Variants in CUX2 observed in about 807,000 individuals in gnomAD.
CUX2 encodes homeobox protein cut-like 2.
A neutral mutation model predicts 144.8 loss-of-function variants in CUX2; 40 were observed. The observed-to-expected ratio is 0.28, with a 90% CI of 0.21 to 0.36. The LOEUF (loss-of-function observed/expected upper bound fraction) is 0.36. Among genes scored for constraint, CUX2 ranks in the 10% least tolerant of loss-of-function variants. The pLI is 1.00. For synonymous variants in CUX2, 827 were observed against 875.6 expected (o/e 0.94, Z 0.98); for missense variants, 1,615 against 1,994.0 (o/e 0.81, Z 3.62).
chr12:111,195,740 T>C (rs556365505), intron 1 of CUX2, among the ~76,000 whole-genome samples: 5 of 152,336 alleles, frequency 3.3e-5, no homozygotes, highest in Admixed American at 2.0e-4. Flanking sequence ...TGTTATAATC[T>C]TGATGGACCA....
At chr12:111,048,442 A>T (rs925581107) in intron 1 of CUX2, among the ~76,000 whole-genome samples, 22 of 152,216 alleles carry the variant, frequency 1.4e-4, no homozygotes, top group Non-Finnish European at 2.9e-4. Context: ...ACCCCCAGCA[A>T]GGTGGGAGCT....
chr12:111,336,762 T>C (rs1421853831), intron 19 of CUX2, among the ~76,000 whole-genome samples: 2 of 152,094 alleles, frequency 1.3e-5, no homozygotes, highest in African/African-American at 4.8e-5. Context: ...CTTCAGTTTT[T>C]TAATGTCTCT....
intron 1 of CUX2, among the ~76,000 whole-genome samples, chr12:111,153,397 A>G (rs1443066212): frequency 1.3e-5 from 2 of 152,192 alleles, no homozygotes; most frequent in African/African-American, 4.8e-5. Flanking sequence ...TTGCTGTTGA[A>G]CATCATGGAG....
At chr12:111,218,571 C>G (rs1881680043) in intron 3 of CUX2, among the ~76,000 whole-genome samples, 1 of 152,086 alleles carries the variant, frequency 6.6e-6, no homozygotes, top group African/African-American at 2.4e-5. Flanking sequence ...ACAAACCTAC[C>G]TCACCTTCCA....
At chr12:111,179,165 C>G (rs992380290) in intron 1 of CUX2, among the ~76,000 whole-genome samples, 2 of 152,166 alleles carry the variant, frequency 1.3e-5, no homozygotes, top group African/African-American at 4.8e-5. Context: ...GGGAGCCTAG[C>G]AGGACCCCTG....
At chr12:111,052,792 C>G (rs1870341279) in intron 1 of CUX2, among the ~76,000 whole-genome samples, 1 of 152,182 alleles carries the variant, frequency 6.6e-6, no homozygotes, top group Non-Finnish European at 1.5e-5. Context: ...CTTTCAACAT[C>G]TCCTTGCCAT....
intron 4 of CUX2, among the ~76,000 whole-genome samples, chr12:111,271,886 A>G (rs1352318938): frequency 6.6e-6 from 1 of 152,232 alleles, no homozygotes; most frequent in Non-Finnish European, 1.5e-5. Context: ...GTCCAGGTAT[A>G]CATGTTTCAT....
chr12:111,034,759 G>A lies in CUX2; in HGVS notation c.63+519G>A, dbSNP rs1869336304. 6.7e-6 allele frequency among the ~76,000 whole-genome samples: 1 copy of A among 150,356 alleles called. No homozygotes were observed. Among genetic ancestry groups the A allele is most frequent in the South Asian group, 2.1e-4 (1 of 4,830 alleles). ...GAGGAGGAGGAGAGAGGAGGAGGGA[G>A]CCGGGGTTGGCGAGGAGGCGGCTCC... On this transcript the variant is annotated intron_variant, in intron 1 of 21. Transcript: ENST00000261726. This position sits in a 1 kb window ranked among gnomAD's most constrained non-coding sequence, Gnocchi z 4.2.
chr12:111,189,437 C>A (rs180949140), intron 1 of CUX2, among the ~76,000 whole-genome samples: 1 of 152,236 alleles, frequency 6.6e-6, no homozygotes, highest in Non-Finnish European at 1.5e-5. Context: ...TAAATGGAAT[C>A]GTACAGTGTG....
chr12:111,100,116 G>A (rs1179971176), intron 1 of CUX2: 1 of 454,888 alleles, frequency 2.2e-6, no homozygotes. Flanking sequence ...GAGCTGCCCA[G>A]GGTGAGTGCA....
chr12:111,330,830 A>T (rs1888094885), intron 18 of CUX2, among the ~76,000 whole-genome samples: 1 of 147,590 alleles, frequency 6.8e-6, no homozygotes, highest in African/African-American at 2.5e-5. Flanking sequence ...GGAATTTATT[A>T]ACATCATCAT....
Position 111,123,476 on chromosome 12 carries a change from G to C in CUX2, c.63+89236G>C, listed in dbSNP as rs556057567. ...TGGGATTAGAGGCATGAGCCACCAC[G>C]CCCAGCCATTACCAGGCACTTTGTA... On this transcript the variant is annotated intron_variant, in intron 1 of 21. Transcript: ENST00000261726. Among the ~76,000 whole-genome samples, 11 of 151,600 alleles carry C rather than the reference G, an allele frequency of 7.3e-5. No individual in the cohort carries two copies. The South Asian group carries it at 1.7e-3, about 23-fold the overall frequency.
intron 1 of CUX2, among the ~76,000 whole-genome samples, chr12:111,188,640 G>T (rs1187228862): frequency 1.3e-5 from 2 of 151,896 alleles, no homozygotes; most frequent in Non-Finnish European, 2.9e-5. Context: ...CCCAGAGAGC[G>T]GGGGGGAAAG....
chr12:111,052,514 T>C (rs1002329980), intron 1 of CUX2, among the ~76,000 whole-genome samples: 5 of 152,212 alleles, frequency 3.3e-5, no homozygotes, highest in African/African-American at 9.7e-5. Context: ...TACGTGTGTA[T>C]GTCTGCATCT....
At chr12:111,081,804 T>C (rs1313728312) in intron 1 of CUX2, among the ~76,000 whole-genome samples, 2 of 152,212 alleles carry the variant, frequency 1.3e-5, no homozygotes, top group Non-Finnish European at 2.9e-5. Flanking sequence ...CTGTTCCCCT[T>C]GGACTTTTTA....
chr12:111,162,540 C>A (rs1040977688), intron 1 of CUX2, among the ~76,000 whole-genome samples: 11 of 152,232 alleles, frequency 7.2e-5, no homozygotes, highest in Non-Finnish European at 1.6e-4. Context: ...CAATGGCTCA[C>A]TGGGACAGCT....
intron 2 of CUX2, among the ~76,000 whole-genome samples, chr12:111,217,204 T>A (rs1000908381): frequency 6.6e-6 from 1 of 152,206 alleles, no homozygotes. Flanking sequence ...TCAGGGTGGC[T>A]GTGACAAACC....
intron 1 of CUX2, among the ~76,000 whole-genome samples, chr12:111,173,358 C>T (rs1263248585): frequency 2.0e-5 from 3 of 152,200 alleles, no homozygotes; most frequent in Non-Finnish European, 4.4e-5. Flanking sequence ...AAATAGGATG[C>T]CAGGGGGCAC....
At chr12:111,094,797 G>A (rs186156869) in intron 1 of CUX2, among the ~76,000 whole-genome samples, 1 of 152,248 alleles carries the variant, frequency 6.6e-6, no homozygotes, top group Admixed American at 6.5e-5. Context: ...TGCAGCTGGT[G>A]CATCCACCTT....
Sources: gnomAD v4.1 joint callset for allele counts (sites outside exome capture counted in the v4.1 genomes callset) on GRCh38, gnomAD v4.1.1 for gene constraint, Gnocchi (gnomAD v3.1) non-coding constraint, MANE v1.5 for transcripts, NCBI Gene and HGNC (gene_info 2026-07-23, HGNC 2026-07-21) for gene names.